The following CCDC32 variants were observed in gnomAD, a reference collection of about 807,000 sequenced individuals.
CCDC32 encodes the protein coiled-coil domain containing 32, also known as coiled-coil domain-containing protein 32.
A neutral mutation model predicts 20.1 loss-of-function variants in CCDC32; 9 were observed. The observed-to-expected ratio is 0.45, with a 90% CI of 0.27 to 0.78. CCDC32 has a LOEUF of 0.78. Ranked by LOEUF, CCDC32 falls within the 30% of genes least tolerant of loss-of-function variation. The pLI is 0.16. For synonymous variants in CCDC32, 63 were observed against 79.0 expected (o/e 0.80, Z 1.07); for missense variants, 204 against 215.5 (o/e 0.95, Z 0.33).
At chr15:40,535,441 AT>A (rs1482379145), downstream of CCDC32, 2 of 998,382 alleles carry the variant, frequency 2.0e-6, no homozygotes, top group East Asian at 2.1e-4. Flanking sequence ...GCATTCTCTC[AT>A]TTGATCTAGG....
At chr15:40,563,740 A>C (rs955264242) in intron 1 of CCDC32, among the ~76,000 whole-genome samples, 1 of 152,126 alleles carries the variant, frequency 6.6e-6, no homozygotes, top group Non-Finnish European at 1.5e-5. Context: ...TTGGACAACC[A>C]GCCTGCACTT....
chr15:40,554,667 A>C (rs1240566022), intron 3 of CCDC32, among the ~76,000 whole-genome samples: 1 of 152,100 alleles, frequency 6.6e-6, no homozygotes, highest in Non-Finnish European at 1.5e-5. Flanking sequence ...TAAGATAAAA[A>C]CATCTGAGCA....
intron 2 of CCDC32, chr15:40,561,909 A>C (rs1428685640): frequency 7.9e-6 from 1 of 127,216 alleles, no homozygotes; most frequent in Admixed American, 1.1e-4. Context: ...GACAATTTGA[A>C]TCTCTTTCCT....
downstream of CCDC32, among the ~76,000 whole-genome samples, chr15:40,527,414 A>C (rs1595881364): frequency 6.6e-6 from 1 of 152,160 alleles, no homozygotes; most frequent in African/African-American, 2.4e-5. Context: ...CAAGCGATCC[A>C]CCTGCCTCGG....
At chr15:40,535,240 G>A, downstream of CCDC32, 2 of 1,399,510 alleles carry the variant, frequency 1.4e-6, no homozygotes, top group Non-Finnish European at 1.9e-6. Context: ...TTCTGCAGTA[G>A]TCTACATGAG....
intron 1 of CCDC32, among the ~76,000 whole-genome samples, chr15:40,564,544 G>C (rs1314276939): frequency 6.6e-6 from 1 of 152,156 alleles, no homozygotes; most frequent in Non-Finnish European, 1.5e-5. Flanking sequence ...CTAGGCATAT[G>C]AGACAGGCTG....
At chr15:40,531,654 A>G (rs969743625), downstream of CCDC32, 4 of 152,120 alleles carry the variant, frequency 2.6e-5, no homozygotes, top group African/African-American at 9.7e-5. Flanking sequence ...TTGCTCTGTC[A>G]CCAAGGCTGG....
downstream of CCDC32, among the ~76,000 whole-genome samples, chr15:40,550,777 T>C (rs1889820578): frequency 6.6e-6 from 1 of 152,244 alleles, no homozygotes; most frequent in Admixed American, 6.5e-5. Context: ...ACACATGGGC[T>C]AGAAACCATT....
intron 1 of CCDC32, 112 bp from the exon 2 acceptor site, chr15:40,563,139 G>C (rs576553827): frequency 1.6e-6 from 2 of 1,282,716 alleles, no homozygotes; most frequent in East Asian, 2.3e-5. Context: ...GAGGCAGTCA[G>C]ATCATTTGAG....
At chr15:40,525,908 AATAGTGTCAATAATTAC>A (rs1342186230), downstream of CCDC32, among the ~76,000 whole-genome samples, 1 of 151,906 alleles carries the variant, frequency 6.6e-6, no homozygotes, top group African/African-American at 2.4e-5. Context: ...GTATAAATAA[AATAGTGTCAATAATTAC>A]ATATCTTTGT....
chr15:40,539,840 C>CACACACACACACACACACA (rs1555413863), intron 3 of CCDC32, among the ~76,000 whole-genome samples: 2 of 134,632 alleles, frequency 1.5e-5, no homozygotes, highest in Admixed American at 8.0e-5. Context: ...CAAACTGTTG[C>CACACACACACACACACACA]CACACACACA....
chr15:40,562,212 G>C lies in CCDC32; in HGVS notation c.244+560C>G, dbSNP rs78020351. ...CAACAGTAGGCAAGAGGGTTCTACA[G>C]AATGCCAAGAAATCAAACACAGAAT... On this transcript the variant is annotated intron_variant, in intron 2 of 3. Transcript: ENST00000416810. The C allele has an allele frequency of 8.8e-3, 1,343 of 152,322 alleles. 9 individuals are homozygous for C. Among genetic ancestry groups the C allele is most frequent in the Non-Finnish European group, 0.015 (1,031 of 68,228 alleles). The allele number at this position is 152,322 out of a possible 1,614,324, so 9.4% of individuals were successfully genotyped here.
exon 4 of CCDC32, chr15:40,539,303 A>C: frequency 6.5e-7 from 1 of 1,535,550 alleles, no homozygotes. Context: ...TGGCTGTCCC[A>C]CGCTCCATCC....
At chr15:40,532,409 C>T (rs1888910781), downstream of CCDC32, 2 of 664,982 alleles carry the variant, frequency 3.0e-6, no homozygotes, top group Non-Finnish European at 5.5e-6. Context: ...CTTACTGCTG[C>T]TACTGCCATG....
intron 3 of CCDC32, among the ~76,000 whole-genome samples, chr15:40,544,148 T>C (rs1416844065): frequency 6.6e-6 from 1 of 152,154 alleles, no homozygotes; most frequent in African/African-American, 2.4e-5. Flanking sequence ...ATCTTGCCCT[T>C]GTCATAGTCA....
chr15:40,562,390 A>G (rs953605173), intron 2 of CCDC32, among the ~76,000 whole-genome samples: 9 of 152,046 alleles, frequency 5.9e-5, no homozygotes, highest in African/African-American at 2.2e-4. Context: ...CCTAGCCAAC[A>G]TGGTGAAATG....
intron 3 of CCDC32, among the ~76,000 whole-genome samples, chr15:40,541,748 C>T (rs966194357): frequency 1.3e-5 from 2 of 152,174 alleles, no homozygotes; most frequent in Non-Finnish European, 2.9e-5. Context: ...CTGCTCACCC[C>T]CTAAAATCAG....
At chr15:40,557,072 A>G (rs774442417) in intron 3 of CCDC32, 144 bp downstream of exon 3, 89 of 864,826 alleles carry the variant, frequency 1.0e-4, no homozygotes, top group Non-Finnish European at 1.5e-4. Flanking sequence ...CCTTAACTCT[A>G]TTCAATCTGT....
At chr15:40,531,145 AT>A (rs2141596508), downstream of CCDC32, among the ~76,000 whole-genome samples, 1 of 151,542 alleles carries the variant, frequency 6.6e-6, no homozygotes, top group East Asian at 1.9e-4. Context: ...AGAGTGTGGA[AT>A]AGTAGACACT....
Sources: allele counts gnomAD v4.1 joint callset (sites outside exome capture counted in the v4.1 genomes callset), GRCh38; gene constraint gnomAD v4.1.1; transcripts MANE v1.5; gene names NCBI Gene and HGNC (gene_info 2026-07-23, HGNC 2026-07-21).